ABL1: variants seen among roughly 807,000 people sequenced by gnomAD.
ABL1 encodes ABL proto-oncogene 1, non-receptor tyrosine kinase, also known as tyrosine-protein kinase ABL1.
In ABL1, 11 loss-of-function variants were observed where a neutral mutation model predicts 94.7. The observed-to-expected ratio is 0.12, with a 90% CI of 0.07 to 0.19. The LOEUF (loss-of-function observed/expected upper bound fraction) is 0.19. Ranked by LOEUF, ABL1 falls within the 10% of genes least tolerant of loss-of-function variation. The pLI, the probability that ABL1 is intolerant of heterozygous loss-of-function variation, is 1.00. For missense variants in ABL1, 1,082 were observed against 1,489.4 expected (o/e 0.73, Z 4.50); for synonymous variants, 656 against 622.4 (o/e 1.05, Z -0.80).
At chr9:130,843,438 T>A (rs1021610974) in intron 1 of ABL1, among the ~76,000 whole-genome samples, 1 of 152,202 alleles carries the variant, frequency 6.6e-6, no homozygotes, top group African/African-American at 2.4e-5. Flanking sequence ...GTTGTTGCCC[T>A]GTTGTGCAGT....
chr9:130,745,920 C>A (rs1306293498), intron 1 of ABL1, among the ~76,000 whole-genome samples: 1 of 142,832 alleles, frequency 7.0e-6, no homozygotes, highest in African/African-American at 2.5e-5. Flanking sequence ...CAGCTGTGGG[C>A]TTTGTACTTA....
Position 130,885,181 on chromosome 9 carries a change from C to A in ABL1, c.2891C>A (p.Pro964Gln). 1 of 1,613,512 alleles carries A rather than the reference C, an allele frequency of 6.2e-7. No individual in the cohort carries two copies. Among genetic ancestry groups the A allele is most frequent in the Non-Finnish European group, 8.5e-7 (1 of 1,180,000 alleles). Residue 964 changes from proline (P) to glutamine (Q), a missense_variant, in exon 11 of 11, where the codon CCA becomes CAA. Pro to Gln is a moderately conservative substitution (Grantham distance 76). Transcript: ENST00000318560. ...AAAAAGCCCGTGCTCCCGGCCACTCCAAAGCCACAGTCCGCCAAGCCGTCG... is the reference window on the plus strand; with the variant it reads ...AAAAAGCCCGTGCTCCCGGCCACTCAAAAGCCACAGTCCGCCAAGCCGTCG... Reference protein sequence around the residue: ...GLKKPVLPATPKPQSAKPSGT... With the variant: ...GLKKPVLPATQKPQSAKPSGT...
Position 130,854,063 on chromosome 9 carries a change from G to A in ABL1, c.80-1G>A. On this transcript the variant is annotated splice_acceptor_variant, in intron 1 of 10. Coordinates refer to ENST00000318560, the MANE Select transcript of ABL1 (RefSeq NM_005157.6). LOFTEE classifies it high-confidence loss of function. Reference sequence around the variant, plus strand: ...TTTCTGTTCCCCCCTTTCTCTTCCAGAAGCCCTTCAGCGGCCAGTAGCATC... The same window carrying A: ...TTTCTGTTCCCCCCTTTCTCTTCCAAAAGCCCTTCAGCGGCCAGTAGCATC... 6.2e-7 allele frequency: 1 copy of A among 1,601,306 alleles called. No individual in the cohort carries two copies. Among genetic ancestry groups the A allele is most frequent in the Non-Finnish European group, 8.5e-7 (1 of 1,174,588 alleles).
chr9:130,813,418 G>A (rs1211735226), intron 1 of ABL1, among the ~76,000 whole-genome samples: 1 of 150,474 alleles, frequency 6.6e-6, no homozygotes, highest in Middle Eastern at 3.2e-3. Flanking sequence ...AAAATCAGCT[G>A]GGCATGGTGG....
At chr9:130,856,234 A>G (rs1056651045) in intron 3 of ABL1, among the ~76,000 whole-genome samples, 3 of 152,126 alleles carry the variant, frequency 2.0e-5, no homozygotes, top group Admixed American at 6.6e-5. Context: ...GATTACAGGC[A>G]TGCACCACCA....
intron 1 of ABL1, among the ~76,000 whole-genome samples, chr9:130,769,329 C>CTTGTTTTTTTTTTTTTTTTTTTTTTTTTT (rs1832222978): frequency 1.2e-5 from 1 of 84,292 alleles, no homozygotes; most frequent in African/African-American, 4.6e-5. Context: ...TGGCCCTAGT[C>CTTGTTTTTTTTTTTTTTTTTTTTTTTTTT]TTTTTTTTTT....
chr9:130,849,395 G>A (rs973168285), intron 1 of ABL1, among the ~76,000 whole-genome samples: 5 of 152,116 alleles, frequency 3.3e-5, no homozygotes, highest in East Asian at 1.9e-4. Context: ...GAGAGTGCCC[G>A]TTTCTCTGAA....
rs1003322722 is a variant in ABL1, at chr9:130,885,574, G to C, written c.3284G>C (p.Arg1095Pro). ...EAINKLENNLRELQICPATAG... is the reference protein window; with the variant it reads ...EAINKLENNLPELQICPATAG... Reference sequence around the variant, plus strand: ...ATCAACAAACTGGAGAATAATCTCCGGGAGCTTCAGATCTGCCCGGCGACA... The same window carrying C: ...ATCAACAAACTGGAGAATAATCTCCCGGAGCTTCAGATCTGCCCGGCGACA... The change falls in exon 11 of 11, where the codon CGG (arginine) becomes CCG (proline). Residue 1095 changes from arginine (R) to proline (P), a missense_variant. Around this residue, in one of 7 missense-constraint regions of ABL1, gnomAD observed 780 missense variants for 835.8 expected, o/e 0.93. Coordinates refer to ENST00000318560, the MANE Select transcript of ABL1 (RefSeq NM_005157.6). 1 of 1,613,946 alleles carries C rather than the reference G, an allele frequency of 6.2e-7. No homozygotes were observed.
Position 130,813,561 on chromosome 9 carries a change from CAAAAA to C in ABL1, c.137-40483_137-40479del, listed in dbSNP as rs57194587. Among the ~76,000 whole-genome samples, 23 of 60,672 alleles carry C rather than the reference CAAAAA, an allele frequency of 3.8e-4. No homozygotes were observed. In the East Asian group the frequency reaches 0.012, roughly 32 times the overall value. The allele number at this position is 60,672 out of a possible 152,430, so 39.8% of individuals were successfully genotyped here. On this transcript the variant is annotated intron_variant, in intron 1 of 10. Transcript: ENST00000372348. The stretch of plus-strand genomic sequence containing the variant: ...GGCTGAGAGAGCGAGACTCCATCTC[CAAAAA>C]AAAAAAAAAAAAAAAAAAAGAAAGT...
At chr9:130,812,965 G>A (rs1286792784) in intron 1 of ABL1, among the ~76,000 whole-genome samples, 1 of 152,210 alleles carries the variant, frequency 6.6e-6, no homozygotes, top group Non-Finnish European at 1.5e-5. Context: ...TGTAATCCCA[G>A]CACTTTGGGA....
chr9:130,835,372 CGAGCCGGGCCT>C lies in ABL1; in HGVS notation c.-64_-54del. On this transcript the variant is annotated 5_prime_UTR_variant, in exon 1 of 11. Transcript: ENST00000318560. This position sits in a 1 kb window ranked among gnomAD's most constrained non-coding sequence, Gnocchi z 4.6. Reference sequence around the variant, plus strand: ...GGGGGCGCCGGGGGGGCGCGCGGGCCGAGCCGGGCCTGAGCCGGGCCCGCGGACCGAGCTGG... The same window carrying C: ...GGGGGCGCCGGGGGGGCGCGCGGGCCGAGCCGGGCCCGCGGACCGAGCTGG... 1 of 917,562 alleles carries C rather than the reference CGAGCCGGGCCT, an allele frequency of 1.1e-6. No individual in the cohort carries two copies. Among genetic ancestry groups the C allele is most frequent in the Non-Finnish European group, 1.4e-6 (1 of 728,166 alleles). The allele number at this position is 917,562 out of a possible 1,614,324, so 56.8% of individuals were successfully genotyped here.
At chr9:130,882,724 C>T (rs543332435) in intron 10 of ABL1, among the ~76,000 whole-genome samples, 36 of 152,062 alleles carry the variant, frequency 2.4e-4, no homozygotes, top group African/African-American at 7.7e-4. Context: ...TTAGTAGAGA[C>T]GGGGTTTCAT....
intron 7 of ABL1, among the ~76,000 whole-genome samples, chr9:130,875,397 C>T (rs1439086147): frequency 5.9e-5 from 9 of 151,822 alleles, no homozygotes; most frequent in African/African-American, 2.2e-4. Context: ...CCTGCCTTGG[C>T]CTCCCAAAGT....
intron 1 of ABL1, among the ~76,000 whole-genome samples, chr9:130,838,867 C>G (rs1009805057): frequency 6.6e-6 from 1 of 152,120 alleles, no homozygotes; most frequent in Non-Finnish European, 1.5e-5. Context: ...GAATCAAAAA[C>G]TAATGTCTGT....
chr9:130,778,728 T>C (rs1829706097), intron 1 of ABL1, among the ~76,000 whole-genome samples: 1 of 151,416 alleles, frequency 6.6e-6, no homozygotes, highest in South Asian at 2.1e-4. Flanking sequence ...ATTGTCGTGG[T>C]TTATACCTTT....
At chr9:130,749,699 C>A (rs1167960223) in intron 1 of ABL1, among the ~76,000 whole-genome samples, 1 of 152,130 alleles carries the variant, frequency 6.6e-6, no homozygotes, top group Non-Finnish European at 1.5e-5. Context: ...TTTGCTCTCT[C>A]CCAGGTGGGT....
At chr9:130,816,522 A>G (rs1406339636) in intron 1 of ABL1, among the ~76,000 whole-genome samples, 1 of 144,690 alleles carries the variant, frequency 6.9e-6, no homozygotes, top group Non-Finnish European at 1.5e-5. Flanking sequence ...ACCCCAGCAT[A>G]CCCATTCCTC....
At chr9:130,748,964 C>T (rs1013374158) in intron 1 of ABL1, among the ~76,000 whole-genome samples, 1 of 151,984 alleles carries the variant, frequency 6.6e-6, no homozygotes, top group African/African-American at 2.4e-5. Context: ...ATTTGTTATC[C>T]CTCCCAGCCC....
At chr9:130,850,191 G>C (rs1830834109) in intron 1 of ABL1, among the ~76,000 whole-genome samples, 1 of 152,126 alleles carries the variant, frequency 6.6e-6, no homozygotes, top group African/African-American at 2.4e-5. Flanking sequence ...GTAATTACTT[G>C]GTTGATATGA....
Sources: gnomAD v4.1 joint callset for allele counts (sites outside exome capture counted in the v4.1 genomes callset) on GRCh38, gnomAD v4.1.1 for gene constraint, gnomAD v4.1.1 regional missense constraint, Gnocchi (gnomAD v3.1) non-coding constraint, MANE v1.5 for transcripts, NCBI Gene and HGNC (gene_info 2026-07-23, HGNC 2026-07-21) for gene names.